TRAK1: variants seen among roughly 807,000 people sequenced by gnomAD.
TRAK1 encodes trafficking kinesin protein 1.
Under a neutral mutation model 92.1 loss-of-function variants are expected in TRAK1, and 33 were observed. The ratio of observed to expected loss-of-function variants is 0.36; its 90% CI spans 0.27 to 0.48. The LOEUF is 0.48. Ranked by LOEUF, TRAK1 falls within the 20% of genes least tolerant of loss-of-function variation. TRAK1 has a pLI of 0.99. For missense variants in TRAK1, 1,123 were observed against 1,257.9 expected (o/e 0.89, Z 1.62); for synonymous variants, 521 against 517.3 (o/e 1.01, Z -0.10).
rs955810320 is a variant in TRAK1 at position 42,202,374 on chromosome 3, C to T, written c.1428-62C>T. ...CGTCCACCGCTGTGCATTGAGCAGT[C>T]GGGCCTCTGTGGCCTTGGAGCCCTG... On this transcript the variant is annotated intron_variant, in intron 12 of 15. Coordinates refer to ENST00000327628, the MANE Select transcript of TRAK1 (RefSeq NM_001042646.3). This position sits in a 1 kb window ranked among gnomAD's most constrained non-coding sequence, Gnocchi z 6.1. The T allele has an allele frequency of 9.1e-6, 13 of 1,435,118 alleles. No homozygotes were observed. The highest frequency in any genetic ancestry group is 7.3e-5 in the Admixed American group (3 of 41,158). The allele number at this position is 1,435,118 out of a possible 1,614,324, so 88.9% of individuals were successfully genotyped here. A position where few individuals can be genotyped will look rare whatever the true frequency, so the allele number is the denominator to read the frequency against.
intron 1 of TRAK1, among the ~76,000 whole-genome samples, chr3:42,098,330 C>T (rs1181091271): frequency 1.3e-5 from 2 of 152,120 alleles, no homozygotes; most frequent in East Asian, 1.9e-4. Flanking sequence ...AGGCACTTCA[C>T]GGGTCGTACT....
At chr3:42,132,116 A>C (rs1017315467) in intron 2 of TRAK1, among the ~76,000 whole-genome samples, 5 of 152,174 alleles carry the variant, frequency 3.3e-5, no homozygotes, top group African/African-American at 1.2e-4. Flanking sequence ...TCCCCTGCAG[A>C]TACCAAAATC....
chr3:42,095,789 C>T (rs1705828645), intron 1 of TRAK1, among the ~76,000 whole-genome samples: 1 of 152,134 alleles, frequency 6.6e-6, no homozygotes, highest in Non-Finnish European at 1.5e-5. Context: ...ATATTTGTCT[C>T]CCCAAAATGA....
chr3:42,121,208 G>A (rs1709805100), intron 1 of TRAK1, among the ~76,000 whole-genome samples: 1 of 151,910 alleles, frequency 6.6e-6, no homozygotes, highest in African/African-American at 2.4e-5. Context: ...GGGACGGTGA[G>A]ACAATGGTCT....
intron 1 of TRAK1, among the ~76,000 whole-genome samples, chr3:42,097,518 G>A (rs991498607): frequency 7.2e-5 from 11 of 152,186 alleles, no homozygotes; most frequent in African/African-American, 1.9e-4. Context: ...GTTCCTCAGT[G>A]TGTAGAGGCT....
At chr3:42,085,063 A>T (rs1296604058), upstream of TRAK1, among the ~76,000 whole-genome samples, 1 of 152,140 alleles carries the variant, frequency 6.6e-6, no homozygotes, top group East Asian at 1.9e-4. Flanking sequence ...TGTTTACATG[A>T]CACTCAAAGG....
At chr3:42,119,517 C>T (rs1336224569) in intron 1 of TRAK1, among the ~76,000 whole-genome samples, 1 of 152,150 alleles carries the variant, frequency 6.6e-6, no homozygotes, top group East Asian at 1.9e-4. Flanking sequence ...GAACTGTAGC[C>T]TCAATAAGGT....
At chr3:42,045,824 C>T (rs1702729321) in intron 1 of TRAK1, among the ~76,000 whole-genome samples, 1 of 152,164 alleles carries the variant, frequency 6.6e-6, no homozygotes, top group South Asian at 2.1e-4. Flanking sequence ...CACCCTTAGC[C>T]AAGACTCTTT....
At position 42,143,601 on chromosome 3, in the gene TRAK1, C is replaced by T. The variant is rs149190936; in HGVS notation, c.286+17987C>T. Among the ~76,000 whole-genome samples, 823 of 152,248 alleles carry T rather than the reference C, an allele frequency of 5.4e-3. 33 individuals are homozygous for T. The highest frequency in any genetic ancestry group is 0.047 in the Admixed American group (723 of 15,298). ...TTTCTAAATGGGGCAGCCGAAGATG[C>T]GGTGACTAAGGAATGGCTGACCAGT... On this transcript the variant is annotated intron_variant, in intron 2 of 15. Transcript: ENST00000327628.
rs143824116 is a variant in TRAK1, at chr3:42,119,879, C to T, written c.92-5541C>T. 6.0e-3 allele frequency among the ~76,000 whole-genome samples: 908 copies of T among 152,168 alleles called. 11 individuals are homozygous for T. Among genetic ancestry groups the T allele is most frequent in the African/African-American group, 0.021 (871 of 41,510 alleles). ...CACTCAGTAGCCTCTCCTGTAGAAA[C>T]GTAGAGGCAGAATGATGAAGCACTT... On this transcript the variant is annotated intron_variant, in intron 1 of 15. Transcript: ENST00000327628.
Position 42,199,272 on chromosome 3 carries a change from C to T in TRAK1, c.1190+19C>T. The T allele has an allele frequency of 1.2e-6, 2 of 1,613,612 alleles. No homozygotes were observed. Among genetic ancestry groups the T allele is most frequent in the Non-Finnish European group, 1.7e-6 (2 of 1,179,754 alleles). On this transcript the variant is annotated intron_variant, in intron 11 of 15. Coordinates refer to ENST00000327628, the MANE Select transcript of TRAK1 (RefSeq NM_001042646.3). The stretch of plus-strand genomic sequence containing the variant: ...ACATCACGTACGGCCACAGTTTTTA[C>T]AGTTTTGAGATTCCCAGAGACCAAC...
chr3:42,164,410 T>C (rs1315521725), intron 2 of TRAK1, among the ~76,000 whole-genome samples: 2 of 152,254 alleles, frequency 1.3e-5, no homozygotes, highest in East Asian at 3.8e-4. Flanking sequence ...TCATTTAATC[T>C]TTAAAACAAA....
intron 1 of TRAK1, among the ~76,000 whole-genome samples, chr3:42,114,256 T>C (rs1708873564): frequency 6.6e-6 from 1 of 152,230 alleles, no homozygotes; most frequent in Non-Finnish European, 1.5e-5. Context: ...TTTTTATCTG[T>C]GCTACTAAGA....
At chr3:42,158,693 C>T (rs1024608800) in intron 2 of TRAK1, among the ~76,000 whole-genome samples, 2 of 149,116 alleles carry the variant, frequency 1.3e-5, no homozygotes, top group African/African-American at 2.5e-5. Flanking sequence ...CCTGTAATCC[C>T]AGCACTTTGG....
At chr3:42,211,857 G>A (rs1709083253) in intron 14 of TRAK1, 1 of 985,414 alleles carries the variant, frequency 1.0e-6, no homozygotes, top group Middle Eastern at 5.2e-4. Flanking sequence ...TATTTGACGA[G>A]GGGCATGAAC....
chr3:42,190,735 G>C (rs189619768), intron 6 of TRAK1, among the ~76,000 whole-genome samples: 1 of 151,862 alleles, frequency 6.6e-6, no homozygotes, highest in Admixed American at 6.6e-5. Flanking sequence ...GCTCTTGCTT[G>C]CTTGCTTGCT....
intron 2 of TRAK1, chr3:42,149,233 C>A: frequency 8.1e-7 from 1 of 1,238,150 alleles, no homozygotes; most frequent in Non-Finnish European, 1.0e-6. Flanking sequence ...CTGGCTACTC[C>A]CATTCAGGGC....
chr3:42,113,967 C>T (rs1470417826), intron 1 of TRAK1, among the ~76,000 whole-genome samples: 1 of 152,202 alleles, frequency 6.6e-6, no homozygotes, highest in Non-Finnish European at 1.5e-5. Flanking sequence ...ACCACCTCCC[C>T]ATTAGCAGTC....
At chr3:42,141,685 G>A (rs1244425327) in intron 2 of TRAK1, among the ~76,000 whole-genome samples, 2 of 152,122 alleles carry the variant, frequency 1.3e-5, no homozygotes, top group African/African-American at 4.8e-5. Flanking sequence ...CCTCGACATT[G>A]CTAGGTTTGT....
Sources: allele counts gnomAD v4.1 joint callset (sites outside exome capture counted in the v4.1 genomes callset), GRCh38; gene constraint gnomAD v4.1.1; non-coding constraint Gnocchi (gnomAD v3.1); transcripts MANE v1.5; gene names NCBI Gene and HGNC (gene_info 2026-07-23, HGNC 2026-07-21).